Variants in ZMYND11 observed in about 807,000 individuals in gnomAD.
ZMYND11 encodes the protein zinc finger MYND domain-containing protein 11.
A neutral mutation model predicts 84.9 loss-of-function variants in ZMYND11; 9 were observed. The ratio of observed to expected loss-of-function variants is 0.11; its 90% CI spans 0.06 to 0.18. The LOEUF (loss-of-function observed/expected upper bound fraction) is 0.18. ZMYND11 is among the 10% of genes least tolerant of loss of function. ZMYND11 has a pLI of 1.00. For synonymous variants in ZMYND11, 250 were observed against 244.1 expected, an observed-to-expected ratio of 1.02 and a Z score of -0.23; for missense variants, 409 against 761.0, an observed-to-expected ratio of 0.54 and a Z score of 5.44.
intron 2 of ZMYND11, among the ~76,000 whole-genome samples, chr10:195,668 C>T (rs1215404099): frequency 6.6e-6 from 1 of 152,082 alleles, no homozygotes; most frequent in Admixed American, 6.5e-5. Flanking sequence ...GGGCCAATAG[C>T]GTGAAGACAC....
At chr10:227,235 G>T (rs1481013782) in intron 4 of ZMYND11, among the ~76,000 whole-genome samples, 2 of 152,172 alleles carry the variant, frequency 1.3e-5, no homozygotes, top group Non-Finnish European at 2.9e-5. Flanking sequence ...GAGCTGTTTG[G>T]TGGTTCTTCC....
intron 2 of ZMYND11, among the ~76,000 whole-genome samples, chr10:181,061 C>G (rs560397953): frequency 6.6e-6 from 1 of 151,816 alleles, no homozygotes; most frequent in Admixed American, 6.6e-5. Context: ...CAATTAGGAA[C>G]TTGGTTTTGT....
At chr10:247,607 T>C (rs1331653738) in intron 12 of ZMYND11, 141 bp downstream of exon 12, 1 of 899,276 alleles carries the variant, frequency 1.1e-6, no homozygotes, top group Non-Finnish European at 1.7e-6. Flanking sequence ...TCAAATCATA[T>C]CCATCAAGTT....
At chr10:145,918 A>G (rs1838715136) in intron 1 of ZMYND11, among the ~76,000 whole-genome samples, 1 of 151,780 alleles carries the variant, frequency 6.6e-6, no homozygotes, top group African/African-American at 2.4e-5. Context: ...TTTTTGTGGC[A>G]TTTGCTTTTG....
intron 4 of ZMYND11, among the ~76,000 whole-genome samples, chr10:229,366 CT>C (rs1201666163): frequency 6.6e-6 from 1 of 152,092 alleles, no homozygotes; most frequent in East Asian, 1.9e-4. Context: ...TGAGTTCCTA[CT>C]TTTACCTGTA....
At position 145,166 on chromosome 10, in the gene ZMYND11, A is replaced by AAATATATGTG. The variant is rs1316254252; in HGVS notation, c.-20+9607_-20+9608insAATATATGTG. On this transcript the variant is annotated intron_variant, in intron 1 of 14. Transcript: ENST00000381604. ...TATGTGTATATATATATGTGTGTGT[A>AAATATATGTG]TATATATGTGTATATATGTGTATAT... Among the ~76,000 whole-genome samples the AAATATATGTG allele has an allele frequency of 7.3e-5, 11 of 150,790 alleles. 1 individual carries two copies. Among genetic ancestry groups the AAATATATGTG allele is most frequent in the Admixed American group, 3.3e-4 (5 of 15,052 alleles).
At chr10:237,200 T>C (rs1368063012) in intron 5 of ZMYND11, among the ~76,000 whole-genome samples, 2 of 152,252 alleles carry the variant, frequency 1.3e-5, no homozygotes, top group East Asian at 3.8e-4. Flanking sequence ...AACATTTTCA[T>C]TGATGATGAC....
intron 4 of ZMYND11, among the ~76,000 whole-genome samples, chr10:226,141 C>G (rs1948078889): frequency 6.6e-6 from 1 of 152,146 alleles, no homozygotes; most frequent in Non-Finnish European, 1.5e-5. Flanking sequence ...TTGAGAGTGC[C>G]TGGCATTTGT....
intron 2 of ZMYND11, among the ~76,000 whole-genome samples, chr10:191,180 A>C (rs1040184554): frequency 6.6e-6 from 1 of 152,176 alleles, no homozygotes; most frequent in Non-Finnish European, 1.5e-5. Context: ...CAACTGTGTG[A>C]GTTATGTTGT....
At chr10:246,191 G>A (rs1396448475) in intron 10 of ZMYND11, among the ~76,000 whole-genome samples, 1 of 152,184 alleles carries the variant, frequency 6.6e-6, no homozygotes. Flanking sequence ...ATAATCAGTG[G>A]CTCTGTGTGT....
chr10:243,662 G>A lies in ZMYND11; in HGVS notation c.950+1523G>A, dbSNP rs575567424. ...GGCTGGATCATGAGGTCAGGAGATC[G>A]AGACCATCCTGGATAACACAGTGAA... On this transcript the variant is annotated intron_variant, in intron 10 of 14. Transcript: ENST00000381604. Among the ~76,000 whole-genome samples the A allele has an allele frequency of 1.1e-4, 16 of 152,246 alleles. No homozygotes were observed. The South Asian group carries it at 3.3e-3, about 32-fold the overall frequency.
intron 1 of ZMYND11, among the ~76,000 whole-genome samples, chr10:138,709 A>G (rs1554753071): frequency 1.3e-5 from 2 of 152,070 alleles, no homozygotes; most frequent in Non-Finnish European, 2.9e-5. Context: ...GTTGAATTCT[A>G]CATGGAGAAC....
chr10:250,392 G>C (rs1181249288), intron 14 of ZMYND11, among the ~76,000 whole-genome samples: 1 of 152,222 alleles, frequency 6.6e-6, no homozygotes, highest in Non-Finnish European at 1.5e-5. Context: ...TGCTTTGGGA[G>C]GCCAAGGTGG....
chr10:240,726 C>A lies in ZMYND11; in HGVS notation c.754-167C>A, dbSNP rs113960696. 1.4e-3 allele frequency among the ~76,000 whole-genome samples: 208 copies of A among 152,272 alleles called. 1 individual carries two copies. Among genetic ancestry groups the A allele is most frequent in the African/African-American group, 4.8e-3 (201 of 41,560 alleles). On this transcript the variant is annotated intron_variant, in intron 8 of 14. Coordinates refer to ENST00000381604, the MANE Select transcript of ZMYND11 (RefSeq NM_001370100.5). ...GGTTCTAAGAGGACAGTGACAGGGT[C>A]TTCCAGTACCATTTATTGAAAACTT...
At chr10:221,106 CT>C (rs1352424256) in intron 3 of ZMYND11, 88 bp from the exon 4 acceptor site, 5 of 1,184,152 alleles carry the variant, frequency 4.2e-6, no homozygotes, top group African/African-American at 1.5e-5. Context: ...TGATGCCTAA[CT>C]TCTGATGGAC....
At position 247,400 on chromosome 10, in the gene ZMYND11, A is replaced by G; in HGVS notation, c.1161A>G (p.Leu387=). The G allele has an allele frequency of 6.2e-7, 1 of 1,614,088 alleles. No homozygotes were observed. The highest frequency in any genetic ancestry group is 1.1e-5 in the South Asian group (1 of 91,078). ...SSISSTSNEQ[L]KVTQEPRAKK... ...TATTACTTTTATAATGCCCACAGCT[A>G]AAGGTCACTCAAGAACCAAGAGCAA... Residue 387 remains leucine, a splice_region_variant and synonymous_variant, in exon 12 of 15, where the codon CTA becomes CTG. Coordinates refer to ENST00000381604, the MANE Select transcript of ZMYND11 (RefSeq NM_001370100.5).
At chr10:175,114 A>G (rs1456276551) in intron 1 of ZMYND11, among the ~76,000 whole-genome samples, 3 of 152,142 alleles carry the variant, frequency 2.0e-5, no homozygotes, top group African/African-American at 2.4e-5. Flanking sequence ...GGTCATAATG[A>G]TATGTCAGTG....
chr10:166,238 T>C (rs964440678), intron 1 of ZMYND11, among the ~76,000 whole-genome samples: 3 of 151,964 alleles, frequency 2.0e-5, no homozygotes, highest in African/African-American at 4.8e-5. Context: ...AAAGAAAAAA[T>C]AGTTAAGTTA....
chr10:249,624 G>A (rs1001265818), intron 14 of ZMYND11: 114 of 985,174 alleles, frequency 1.2e-4, no homozygotes, highest in Non-Finnish European at 1.3e-4. Context: ...TGTCCTGCTC[G>A]CCAGTCTCAT....
Sources: allele counts gnomAD v4.1 joint callset (sites outside exome capture counted in the v4.1 genomes callset), GRCh38; gene constraint gnomAD v4.1.1; transcripts MANE v1.5; gene names NCBI Gene and HGNC (gene_info 2026-07-23, HGNC 2026-07-21).